ATN1: variants seen among roughly 807,000 people sequenced by gnomAD.
ATN1 encodes the protein atrophin 1, also known as atrophin-1.
ATN1 carries 19 observed loss-of-function variants against 85.8 expected under a neutral mutation model. That is an observed-to-expected ratio of 0.22 (90% CI 0.15 to 0.32). ATN1 has a LOEUF of 0.32. Among genes scored for constraint, ATN1 ranks in the 10% least tolerant of loss-of-function variants. ATN1 has a pLI of 1.00. For synonymous variants in ATN1, 674 were observed against 657.0 expected (o/e 1.03, Z -0.39); for missense variants, 1,453 against 1,564.5 (o/e 0.93, Z 1.20).
In ATN1 at chr12:6,939,082, C is replaced by G; in HGVS notation, c.3119C>G (p.Ala1040Gly). ...GCGGCCCTGGGCAATGACCCACTGG[C>G]CCGGCTGCAGATGCTCAATGTGACT... ...RVAALGNDPL[A>G]RLQMLNVTPH... is the part of the protein sequence containing the mutation. The change falls in exon 7 of 10, where the codon GCC (alanine) becomes GGC (glycine). Residue 1040 changes from alanine to glycine, a missense_variant. Coordinates refer to ENST00000396684, the MANE Select transcript of ATN1 (RefSeq NM_001940.4). 3 of 1,603,244 alleles carry G rather than the reference C, an allele frequency of 1.9e-6. No individual in the cohort carries two copies. The highest frequency in any genetic ancestry group is 2.5e-6 in the Non-Finnish European group (3 of 1,179,960).
At position 6,941,560 on chromosome 12, in the gene ATN1, C is replaced by G. The variant is rs999067759; in HGVS notation, c.3539+6C>G. On this transcript the variant is annotated splice_donor_region_variant and intron_variant, in intron 9 of 9. Coordinates refer to ENST00000396684, the MANE Select transcript of ATN1 (RefSeq NM_001940.4). This position sits in a 1 kb window ranked among gnomAD's most constrained non-coding sequence, Gnocchi z 5.9. ...GCCCAGGAGGACTACTACAGGTACC[C>G]TAGGGTGCCCCAGCCCAGGGGACAT... The G allele has an allele frequency of 3.1e-6, 5 of 1,612,240 alleles. No individual in the cohort carries two copies. Among genetic ancestry groups the G allele is most frequent in the African/African-American group, 1.3e-5 (1 of 74,898 alleles).
intron 6 of ATN1, 51 bp from the exon 7 acceptor site, chr12:6,938,430 A>C (rs1591665981): frequency 6.5e-7 from 1 of 1,545,872 alleles, no homozygotes; most frequent in Non-Finnish European, 8.8e-7. Context: ...AAAACCAGCC[A>C]CCTCTTTTCA....
chr12:6,934,710 C>T lies in ATN1; in HGVS notation c.279+132C>T. On this transcript the variant is annotated intron_variant, in intron 4 of 9. Transcript: ENST00000396684. This position sits in a 1 kb window ranked among gnomAD's most constrained non-coding sequence, Gnocchi z 4.5. ...GGCCAGATCATAGTGCTTATGAGAG[C>T]AGTTCTGTCTATAATATGCCAGAGA... 1 of 685,740 alleles carries T rather than the reference C, an allele frequency of 1.5e-6. No individual in the cohort carries two copies. The highest frequency in any genetic ancestry group is 2.5e-6 in the Non-Finnish European group (1 of 396,290). The allele number at this position is 685,740 out of a possible 1,614,324, so 42.5% of individuals were successfully genotyped here. A position where few individuals can be genotyped will look rare whatever the true frequency, so the allele number is the denominator to read the frequency against.
In ATN1 at chr12:6,941,140, C is replaced by T. The variant is rs1288387087; in HGVS notation, c.3358+117C>T. 4 of 1,372,850 alleles carry T rather than the reference C, an allele frequency of 2.9e-6. No homozygotes were observed. The highest frequency in any genetic ancestry group is 1.8e-4 in the Middle Eastern group (1 of 5,440). 85.0% of individuals were successfully genotyped at this position (1,372,850 alleles called of 1,614,324 possible). On this transcript the variant is annotated intron_variant, in intron 8 of 9. Coordinates refer to ENST00000396684, the MANE Select transcript of ATN1 (RefSeq NM_001940.4). This position sits in a 1 kb window ranked among gnomAD's most constrained non-coding sequence, Gnocchi z 5.9. ...AGGGATGAGGAGGTGCCTAGAGGAGCTGGGCATGGGAATAGGAGAGCTGGA... is the reference window on the plus strand; with the variant it reads ...AGGGATGAGGAGGTGCCTAGAGGAGTTGGGCATGGGAATAGGAGAGCTGGA...
intron 6 of ATN1, 55 bp downstream of exon 6, chr12:6,938,122 TCTGCG>T (rs1209032343): frequency 1.4e-5 from 21 of 1,496,242 alleles, no homozygotes; most frequent in Middle Eastern, 2.4e-4. Flanking sequence ...CTTCCTTCCC[TCTGCG>T]CTGCGCTGCG....
intron 7 of ATN1, among the ~76,000 whole-genome samples, chr12:6,939,836 A>G (rs1945610391): frequency 6.6e-6 from 1 of 151,730 alleles, no homozygotes; most frequent in African/African-American, 2.4e-5. Flanking sequence ...TCTGGATTCA[A>G]CTCATTTTTT....
chr12:6,938,874 T>C lies in ATN1; in HGVS notation c.2911T>C (p.Phe971Leu), dbSNP rs1274397019. The C allele has an allele frequency of 3.1e-6, 5 of 1,614,008 alleles. No homozygotes were observed. Among genetic ancestry groups the C allele is most frequent in the Admixed American group, 1.7e-5 (1 of 60,008 alleles). The change falls in exon 7 of 10, where the codon TTT becomes CTT. Residue 971 changes from phenylalanine (F) to leucine (L), a missense_variant. Coordinates refer to ENST00000396684, the MANE Select transcript of ATN1 (RefSeq NM_001940.4). ...GGTCCCTGGGCCGGGCTTGGATCCCTTTCCCCGACATGGGGGCCTGGCTCT... is the reference window on the plus strand; with the variant it reads ...GGTCCCTGGGCCGGGCTTGGATCCCCTTCCCCGACATGGGGGCCTGGCTCT... ...HGVPGPGLDP[F>L]PRHGGLALQP...
Position 6,934,927 on chromosome 12 carries a change from G to A in ATN1, c.279+349G>A, listed in dbSNP as rs1486430166. On this transcript the variant is annotated intron_variant, in intron 4 of 9. Coordinates refer to ENST00000396684, the MANE Select transcript of ATN1 (RefSeq NM_001940.4). This position sits in a 1 kb window ranked among gnomAD's most constrained non-coding sequence, Gnocchi z 4.5. ...TTTGTTTTTGAGACAGTTTCGCTCT[G>A]TCACCCAGGCTGGAGTACAGTGGCA... Among the ~76,000 whole-genome samples, 4 of 152,074 alleles carry A rather than the reference G, an allele frequency of 2.6e-5. No homozygotes were observed. In the East Asian group the frequency reaches 7.7e-4, roughly 29 times the overall value.
chr12:6,925,141 TGAGAGAGAGA>T (rs112382496), upstream of ATN1, among the ~76,000 whole-genome samples: 46 of 147,660 alleles, frequency 3.1e-4, no homozygotes, highest in Admixed American at 1.1e-3. Flanking sequence ...TGTGTGTGTG[TGAGAGAGAGA>T]GAGAGAGATG....
At position 6,936,728 on chromosome 12, in the gene ATN1, ACAG is replaced by A. The variant is rs60216939; in HGVS notation, c.1506_1508del (p.Gln502del). ...ATCACCATCACCACCAGCAACAGCA[ACAG>A]CAGCAGCAGCAGCAGCAGCAGCAGC... On this transcript the variant is annotated inframe_deletion, in exon 5 of 10. Transcript: ENST00000396684. 0.045 allele frequency: 69,862 copies of A among 1,548,102 alleles called. 569 individuals carry two copies. Among genetic ancestry groups the A allele is most frequent in the South Asian group, 0.084 (7,364 of 87,256 alleles).
chr12:6,940,707 G>A lies in ATN1; in HGVS notation c.3215-173G>A, dbSNP rs1169316342. Among the ~76,000 whole-genome samples, 4 of 152,090 alleles carry A rather than the reference G, an allele frequency of 2.6e-5. No homozygotes were observed. In the East Asian group the frequency reaches 7.7e-4, roughly 29 times the overall value. ...ATCCATATGTCCCTCCTCCAGTAGG[G>A]CTCAGCCTGTCCACCCCTGCCAGGC... On this transcript the variant is annotated intron_variant, in intron 7 of 9. Coordinates refer to ENST00000396684, the MANE Select transcript of ATN1 (RefSeq NM_001940.4).
In ATN1 at chr12:6,941,670, C is replaced by A; in HGVS notation, c.3540-77C>A. On this transcript the variant is annotated intron_variant, in intron 9 of 9. Coordinates refer to ENST00000396684, the MANE Select transcript of ATN1 (RefSeq NM_001940.4). The surrounding 1 kb of genome is among the most constrained non-coding windows in gnomAD (Gnocchi z 5.9). ...GGGAGGGAACCCCTCCTCTCCCAAC[C>A]CCTTCGGTAAGAGGGGGCAAGGTCA... 14 of 1,592,594 alleles carry A rather than the reference C, an allele frequency of 8.8e-6. No homozygotes were observed. The highest frequency in any genetic ancestry group is 1.7e-5 in the Admixed American group (1 of 59,936).
rs1231354716 is a variant in ATN1 at position 6,934,325 on chromosome 12, T to G, written c.165+12T>G. On this transcript the variant is annotated intron_variant, in intron 3 of 9. Transcript: ENST00000396684. The surrounding 1 kb of genome is among the most constrained non-coding windows in gnomAD (Gnocchi z 4.5). ...GGCAGACAGCCAAGGTATTCTGTCC[T>G]CAGGTCCTCCCACAGGATGCCCAAG... 6.4e-7 allele frequency: 1 copy of G among 1,570,528 alleles called. No homozygotes were observed. Among genetic ancestry groups the G allele is most frequent in the Admixed American group, 2.0e-5 (1 of 50,676 alleles).
In ATN1 at chr12:6,928,218, T is replaced by C. The variant is rs868969421; in HGVS notation, c.-329T>C. 10 of 19,984 alleles carry C rather than the reference T, an allele frequency of 5.0e-4. No homozygotes were observed. Among genetic ancestry groups the C allele is most frequent in the African/African-American group, 1.7e-3 (8 of 4,780 alleles). 1.2% of individuals were successfully genotyped at this position (19,984 alleles called of 1,614,324 possible). ...GGGGCCAGGCGGGGAAAAGGGGGGA[T>C]GGGGGCCGCCCTCCGGGGGGGTCGG... On this transcript the variant is annotated 5_prime_UTR_variant, in exon 1 of 10. The change abolishes an upstream ATG in the 5' untranslated region. Transcript: ENST00000396684.
At chr12:6,930,823 T>C (rs1945452768) in intron 1 of ATN1, among the ~76,000 whole-genome samples, 1 of 148,366 alleles carries the variant, frequency 6.7e-6, no homozygotes, top group Non-Finnish European at 1.5e-5. Flanking sequence ...AATAAATAAA[T>C]AAATAAAATA....
chr12:6,940,074 G>A (rs1386051858), intron 7 of ATN1, among the ~76,000 whole-genome samples: 3 of 150,948 alleles, frequency 2.0e-5, no homozygotes, highest in Non-Finnish European at 3.0e-5. Flanking sequence ...CTCCGCCTCT[G>A]GGGTTCAAGT....
Position 6,928,083 on chromosome 12 carries a change from GCGGGCGGCGCGGCCCGGGGCATTC to G in ATN1, c.-455_-432del, listed in dbSNP as rs1337396118. 6.9e-6 allele frequency among the ~76,000 whole-genome samples: 1 copy of G among 144,846 alleles called. No homozygotes were observed. Among genetic ancestry groups the G allele is most frequent in the Non-Finnish European group, 1.5e-5 (1 of 65,276 alleles). On this transcript the variant is annotated 5_prime_UTR_variant, in exon 1 of 10. Coordinates refer to ENST00000396684, the MANE Select transcript of ATN1 (RefSeq NM_001940.4). The stretch of plus-strand genomic sequence containing the variant: ...CGCGGGGCCGGGCGGCGCGGCGGGG[GCGGGCGGCGCGGCCCGGGGCATTC>G]CGGGCGGCCAGGGGGAGGCGGCGAG...
In ATN1 at chr12:6,928,284, A is replaced by G. The variant is rs1945421282; in HGVS notation, c.-263A>G. On this transcript the variant is annotated 5_prime_UTR_variant, in exon 1 of 10. Coordinates refer to ENST00000396684, the MANE Select transcript of ATN1 (RefSeq NM_001940.4). ...CGTCGCGGCGGCGACTGAGGCCGAG[A>G]AGAGGAGAGGGGGGCGGGGGAGCTG... 5 of 139,892 alleles carry G rather than the reference A, an allele frequency of 3.6e-5. No homozygotes were observed. The South Asian group carries it at 1.0e-3, about 28-fold the overall frequency. The allele number at this position is 139,892 out of a possible 1,614,324, so 8.7% of individuals were successfully genotyped here.
chr12:6,941,301 C>G lies in ATN1; in HGVS notation c.3359-73C>G. The G allele has an allele frequency of 6.7e-7, 1 of 1,493,830 alleles. No individual in the cohort carries two copies. The highest frequency in any genetic ancestry group is 1.3e-5 in the South Asian group (1 of 75,496). The allele number at this position is 1,493,830 out of a possible 1,614,324, so 92.5% of individuals were successfully genotyped here. ...TTCATTACCTTTGTATGTAAAGGAGCTGGCTATCCCCTGGTCCAGAGCAGG... is the reference window on the plus strand; with the variant it reads ...TTCATTACCTTTGTATGTAAAGGAGGTGGCTATCCCCTGGTCCAGAGCAGG... On this transcript the variant is annotated intron_variant, in intron 8 of 9. Coordinates refer to ENST00000396684, the MANE Select transcript of ATN1 (RefSeq NM_001940.4). This position sits in a 1 kb window ranked among gnomAD's most constrained non-coding sequence, Gnocchi z 5.9.
Sources: gnomAD v4.1 joint callset for allele counts (sites outside exome capture counted in the v4.1 genomes callset) on GRCh38, gnomAD v4.1.1 for gene constraint, Gnocchi (gnomAD v3.1) non-coding constraint, MANE v1.5 for transcripts, NCBI Gene and HGNC (gene_info 2026-07-23, HGNC 2026-07-21) for gene names.